Variants in ZNF654 observed in about 807,000 individuals in gnomAD.
ZNF654 encodes melanoma-associated antigen.
Under a neutral mutation model 95.3 loss-of-function variants are expected in ZNF654, and 19 were observed. The observed-to-expected ratio is 0.20, with a 90% CI of 0.14 to 0.29. ZNF654 has a LOEUF of 0.29. Ranked by LOEUF, ZNF654 falls within the 10% of genes least tolerant of loss-of-function variation. The pLI, the probability that ZNF654 is intolerant of heterozygous loss-of-function variation, is 1.00. For missense variants in ZNF654, 1,046 were observed against 1,341.0 expected, an observed-to-expected ratio of 0.78 and a Z score of 3.44; for synonymous variants, 413 against 457.9, an observed-to-expected ratio of 0.90 and a Z score of 1.25.
intron 1 of ZNF654, among the ~76,000 whole-genome samples, chr3:88,076,922 C>A (rs9310068): frequency 0.78 from 119,113 of 152,030 alleles, 47,581 homozygotes; most frequent in South Asian, 0.91. Context: ...GTGCAAGTAG[C>A]TAACTCAAGA....
chr3:88,128,056 G>A (rs1311395171), intron 4 of ZNF654, among the ~76,000 whole-genome samples: 3 of 152,076 alleles, frequency 2.0e-5, no homozygotes, highest in African/African-American at 7.2e-5. Context: ...TCCAGTTCCT[G>A]CTCTGCCACT....
At position 88,059,449 on chromosome 3, in the gene ZNF654, A is replaced by C. The variant is rs1706708429; in HGVS notation, c.130A>C (p.Asn44His). ...CGGCAGAGGCGGCGCTGGCAGCGGCAACTGCGGCGGCGGCGTCGGAATCAG... is the reference window on the plus strand; with the variant it reads ...CGGCAGAGGCGGCGCTGGCAGCGGCCACTGCGGCGGCGGCGTCGGAATCAG... The part of the protein sequence containing the change: ...GDGRGGAGSG[N>H]CGGGVGISSR... Residue 44 changes from asparagine to histidine, a missense_variant, in exon 1 of 9, where the codon AAC becomes CAC. Physicochemically the swap from Asn to His is moderately conservative, Grantham distance 68. Around this residue, in one of 9 missense-constraint regions of ZNF654, gnomAD observed 89 missense variants for 77.9 expected, o/e 1.14. Coordinates refer to ENST00000636215, the MANE Select transcript of ZNF654 (RefSeq NM_001350134.2). 1 of 1,521,022 alleles carries C rather than the reference A, an allele frequency of 6.6e-7. No homozygotes were observed. Among genetic ancestry groups the C allele is most frequent in the Non-Finnish European group, 8.8e-7 (1 of 1,141,840 alleles). The allele number at this position is 1,521,022 out of a possible 1,614,324, so 94.2% of individuals were successfully genotyped here.
chr3:88,086,150 C>A, intron 1 of ZNF654, 107 bp from the exon 2 acceptor site: 2 of 984,324 alleles, frequency 2.0e-6, no homozygotes, highest in Non-Finnish European at 2.9e-6. Context: ...CACCTGTGTT[C>A]ATGCCGATCT....
chr3:88,141,585 C>G, intron 8 of ZNF654, 60 bp from the exon 9 acceptor site: 1 of 1,315,860 alleles, frequency 7.6e-7, no homozygotes, highest in Non-Finnish European at 1.0e-6. Flanking sequence ...AGGAATCTGA[C>G]TTGGAATTCC....
Position 88,085,707 on chromosome 3 carries a change from G to T in ZNF654, c.187-550G>T, listed in dbSNP as rs145777904. Among the ~76,000 whole-genome samples the T allele has an allele frequency of 5.3e-3, 812 of 152,264 alleles. 5 individuals are homozygous for T. Among genetic ancestry groups the T allele is most frequent in the African/African-American group, 0.017 (699 of 41,564 alleles). ...GGAAGATGACCTGTTGACCTACCCA[G>T]ATTCATAAAACTAGTTAAGTGACAG... On this transcript the variant is annotated intron_variant, in intron 1 of 8. Coordinates refer to ENST00000636215, the MANE Select transcript of ZNF654 (RefSeq NM_001350134.2).
chr3:88,066,589 A>C (rs75385040), intron 1 of ZNF654, among the ~76,000 whole-genome samples: 1 of 151,746 alleles, frequency 6.6e-6, no homozygotes, highest in Non-Finnish European at 1.5e-5. Context: ...CAAAAAAAAC[A>C]AAAAAACCTC....
chr3:88,087,974 T>C (rs1368044468), intron 2 of ZNF654, among the ~76,000 whole-genome samples: 7 of 152,212 alleles, frequency 4.6e-5, no homozygotes, highest in Non-Finnish European at 1.0e-4. Context: ...GATTTCAGAT[T>C]TCTGGATTAG....
At chr3:88,130,258 C>T (rs980093880) in intron 6 of ZNF654, among the ~76,000 whole-genome samples, 1 of 152,166 alleles carries the variant, frequency 6.6e-6, no homozygotes, top group Non-Finnish European at 1.5e-5. Flanking sequence ...CACCCATATA[C>T]ACACATACAC....
At chr3:88,094,842 A>G (rs115342614) in intron 2 of ZNF654, among the ~76,000 whole-genome samples, 8,656 of 152,094 alleles carry the variant, frequency 0.057, 272 homozygotes, top group Admixed American at 0.078. Context: ...GAACTAGACT[A>G]CAATATTATA....
At chr3:88,104,631 A>G (rs1359789864) in intron 2 of ZNF654, among the ~76,000 whole-genome samples, 2 of 152,246 alleles carry the variant, frequency 1.3e-5, no homozygotes, top group African/African-American at 2.4e-5. Context: ...ATATTATTTG[A>G]GATTAGGCGG....
chr3:88,114,340 A>T (rs752709917), intron 3 of ZNF654, among the ~76,000 whole-genome samples: 27 of 152,188 alleles, frequency 1.8e-4, no homozygotes, highest in Non-Finnish European at 3.4e-4. Flanking sequence ...GGAACCACTG[A>T]AATGTTTGGA....
intron 2 of ZNF654, among the ~76,000 whole-genome samples, chr3:88,098,852 A>G (rs1439707551): frequency 1.3e-5 from 2 of 152,216 alleles, no homozygotes; most frequent in Non-Finnish European, 2.9e-5. Context: ...AATAAGAGCT[A>G]TCTATGACAA....
chr3:88,102,273 T>G (rs1217499599), intron 2 of ZNF654, among the ~76,000 whole-genome samples: 1 of 152,206 alleles, frequency 6.6e-6, no homozygotes, highest in East Asian at 1.9e-4. Flanking sequence ...TAGAAACCAC[T>G]ATTGTGTTTT....
At chr3:88,109,823 AAC>A (rs1376584380) in intron 2 of ZNF654, among the ~76,000 whole-genome samples, 1 of 152,188 alleles carries the variant, frequency 6.6e-6, no homozygotes, top group African/African-American at 2.4e-5. Context: ...TAATATATTA[AAC>A]ACATTTATTG....
intron 1 of ZNF654, among the ~76,000 whole-genome samples, chr3:88,067,568 A>G (rs1362007450): frequency 6.6e-6 from 1 of 152,250 alleles, no homozygotes; most frequent in Non-Finnish European, 1.5e-5. Flanking sequence ...ATAAAGTTTG[A>G]GAAGGATTAA....
intron 1 of ZNF654, among the ~76,000 whole-genome samples, chr3:88,075,702 T>A (rs1707761951): frequency 1.3e-5 from 2 of 152,252 alleles, no homozygotes; most frequent in Non-Finnish European, 2.9e-5. Flanking sequence ...CAGCTGGTTT[T>A]TGTGTTTGTT....
intron 1 of ZNF654, among the ~76,000 whole-genome samples, 176 bp from the exon 2 acceptor site, chr3:88,086,081 A>G (rs973158468): frequency 3.3e-5 from 5 of 152,202 alleles, no homozygotes; most frequent in Non-Finnish European, 7.3e-5. Context: ...ATAATAATTG[A>G]TTTTATTTTC....
intron 2 of ZNF654, among the ~76,000 whole-genome samples, chr3:88,089,738 A>G (rs1028399453): frequency 5.9e-5 from 9 of 152,160 alleles, no homozygotes; most frequent in East Asian, 1.9e-4. Flanking sequence ...ACAGATCCCA[A>G]AAATATCTTG....
At position 88,138,894 on chromosome 3, in the gene ZNF654, C is replaced by T. The variant is rs969942704; in HGVS notation, c.1225C>T (p.Arg409Cys). 5.7e-5 allele frequency: 70 copies of T among 1,232,950 alleles called. No individual in the cohort carries two copies. Among genetic ancestry groups the T allele is most frequent in the Non-Finnish European group, 6.6e-5 (65 of 988,798 alleles). 76.4% of individuals were successfully genotyped at this position (1,232,950 alleles called of 1,614,324 possible). ...FFLERSLEAYRTVEELYKRPD... is the reference protein window; with the variant it reads ...FFLERSLEAYCTVEELYKRPD... ...TCTGGAGCGCTCCTTAGAAGCGTAT[C>T]GTACTGTTGAAGAGCTTTACAAACG... The change falls in exon 8 of 9, where the codon CGT (arginine) becomes TGT (cysteine). Residue 409 changes from arginine (R) to cysteine (C), a missense_variant. Transcript: ENST00000636215.
Sources: gnomAD v4.1 joint callset for allele counts (sites outside exome capture counted in the v4.1 genomes callset) on GRCh38, gnomAD v4.1.1 for gene constraint, gnomAD v4.1.1 regional missense constraint, MANE v1.5 for transcripts, NCBI Gene and HGNC (gene_info 2026-07-23, HGNC 2026-07-21) for gene names.